The following MAP3K13 variants were observed in gnomAD, a reference collection of about 807,000 sequenced individuals.
MAP3K13 encodes mitogen-activated protein kinase kinase kinase 13, also known as leucine zipper-bearing kinase.
In MAP3K13, 52 loss-of-function variants were observed where a neutral mutation model predicts 104.0. The ratio of observed to expected loss-of-function variants is 0.50; its 90% CI spans 0.40 to 0.63. The LOEUF (loss-of-function observed/expected upper bound fraction) is 0.63. Ranked by LOEUF, MAP3K13 falls within the 20% of genes least tolerant of loss-of-function variation. The pLI is 0.00. For synonymous variants in MAP3K13, 394 were observed against 442.2 expected, an observed-to-expected ratio of 0.89 and a Z score of 1.37; for missense variants, 914 against 1,218.5, an observed-to-expected ratio of 0.75 and a Z score of 3.72.
chr3:185,302,610 G>A (rs1479857857), intron 2 of MAP3K13, among the ~76,000 whole-genome samples: 1 of 151,876 alleles, frequency 6.6e-6, no homozygotes, highest in Non-Finnish European at 1.5e-5. Flanking sequence ...AAATGGGTTT[G>A]TTTTCTTAGT....
chr3:185,306,799 G>A (rs1009652337), intron 2 of MAP3K13, among the ~76,000 whole-genome samples: 1 of 152,076 alleles, frequency 6.6e-6, no homozygotes, highest in Non-Finnish European at 1.5e-5. Flanking sequence ...GGTTCCACTT[G>A]TCAATTTTTG....
At chr3:185,465,955 T>A (rs552067592) in intron 9 of MAP3K13, 92 bp downstream of exon 9, 11 of 930,468 alleles carry the variant, frequency 1.2e-5, no homozygotes, top group East Asian at 2.4e-5. Flanking sequence ...TACTCAGAAC[T>A]GGCAGATATT....
chr3:185,443,952 A>G (rs1422019521), intron 4 of MAP3K13, among the ~76,000 whole-genome samples: 1 of 152,258 alleles, frequency 6.6e-6, no homozygotes, highest in Non-Finnish European at 1.5e-5. Flanking sequence ...CCTTCCCGCT[A>G]GAAGGCTTGA....
chr3:185,320,054 G>A (rs1721803216), intron 2 of MAP3K13, among the ~76,000 whole-genome samples: 1 of 151,386 alleles, frequency 6.6e-6, no homozygotes, highest in South Asian at 2.1e-4. Flanking sequence ...ACAAGATGGA[G>A]TAATGAAAAC....
intron 2 of MAP3K13, among the ~76,000 whole-genome samples, chr3:185,434,324 C>T (rs1421862703): frequency 6.6e-6 from 1 of 152,228 alleles, no homozygotes; most frequent in Non-Finnish European, 1.5e-5. Flanking sequence ...ATGTGAGCAC[C>T]GGCAGTTAAA....
chr3:185,417,939 G>T, intron 1 of MAP3K13: 1 of 1,605,188 alleles, frequency 6.2e-7, no homozygotes, highest in Non-Finnish European at 8.5e-7. Flanking sequence ...ACTTGTGCAT[G>T]GGAAGATTGT....
intron 1 of MAP3K13, among the ~76,000 whole-genome samples, chr3:185,420,579 C>T (rs771911506): frequency 2.8e-4 from 42 of 152,198 alleles, no homozygotes; most frequent in East Asian, 1.9e-3. Context: ...GGCAAGAAGA[C>T]GCCAAGTAAA....
In MAP3K13 at chr3:185,477,333, A is replaced by T; in HGVS notation, c.2438A>T (p.Asp813Val). 1.2e-6 allele frequency: 2 copies of T among 1,604,176 alleles called. No individual in the cohort carries two copies. The highest frequency in any genetic ancestry group is 1.7e-6 in the Non-Finnish European group (2 of 1,170,914). The change falls in exon 12 of 14, where the codon GAT becomes GTT. Residue 813 changes from aspartate (D) to valine (V), a missense_variant. By Grantham distance (152) the Asp-to-Val change is radical (BLOSUM62 -3). This residue lies in a region of MAP3K13 where 583 missense variants were observed against 737.4 expected (regional missense o/e 0.79). Coordinates refer to ENST00000265026, the MANE Select transcript of MAP3K13 (RefSeq NM_004721.5). ...AATCCTTGTTCTCCTCAGAGTGGAG[A>T]TGACTCCTCAGAAGAGGAAGAAGGG... ...RKTRPLQKSG[D>V]DSSEEEEGEV...
At chr3:185,400,468 A>G (rs772837356) in intron 1 of MAP3K13, among the ~76,000 whole-genome samples, 2 of 152,228 alleles carry the variant, frequency 1.3e-5, no homozygotes, top group African/African-American at 4.8e-5. Flanking sequence ...CATCATCGTT[A>G]TTGCTTAACA....
chr3:185,426,624 A>G (rs1444788835), intron 1 of MAP3K13, among the ~76,000 whole-genome samples: 1 of 152,056 alleles, frequency 6.6e-6, no homozygotes, highest in African/African-American at 2.4e-5. Flanking sequence ...CTGTCCATTC[A>G]TGTCTTTCTG....
At chr3:185,408,328 T>C (rs1386903653) in intron 1 of MAP3K13, among the ~76,000 whole-genome samples, 1 of 152,098 alleles carries the variant, frequency 6.6e-6, no homozygotes, top group African/African-American at 2.4e-5. Context: ...TGTAATCCCC[T>C]TGGGAGGCTG....
intron 1 of MAP3K13, among the ~76,000 whole-genome samples, chr3:185,387,997 C>A (rs1324777950): frequency 1.3e-5 from 2 of 151,838 alleles, no homozygotes; most frequent in South Asian, 2.1e-4. Context: ...ATACATGAGA[C>A]AAGAACTTAG....
intron 2 of MAP3K13, among the ~76,000 whole-genome samples, chr3:185,316,968 T>C (rs909348375): frequency 1.3e-5 from 2 of 152,206 alleles, no homozygotes; most frequent in Non-Finnish European, 2.9e-5. Context: ...ACTTGTAATA[T>C]TGAAAATATT....
At chr3:185,455,323 T>G (rs1209772608) in intron 7 of MAP3K13, among the ~76,000 whole-genome samples, 1 of 46,480 alleles carries the variant, frequency 2.2e-5, no homozygotes, top group East Asian at 5.0e-4. Context: ...ATATATGAGA[T>G]ATATATGATA....
chr3:185,428,758 C>T lies in MAP3K13; in HGVS notation c.177C>T (p.Ser59=), dbSNP rs761070513. ...KGMVRTELIE[S]VHSPVTTTVL... ...TGGTACGAACAGAGCTAATCGAGAG[C>T]GTGCACAGCCCCGTCACCACAACAG... The change falls in exon 2 of 14, where the codon AGC becomes AGT. Residue 59 remains serine, a synonymous_variant. Coordinates refer to ENST00000265026, the MANE Select transcript of MAP3K13 (RefSeq NM_004721.5). 6.2e-7 allele frequency: 1 copy of T among 1,614,158 alleles called. No homozygotes were observed. The highest frequency in any genetic ancestry group is 1.1e-5 in the South Asian group (1 of 91,074).
chr3:185,428,906 A>G lies in MAP3K13; in HGVS notation c.325A>G (p.Ser109Gly). ...QGNSNTVDGESTSGTEDIKIQ... is the reference protein window; with the variant it reads ...QGNSNTVDGEGTSGTEDIKIQ... ...GAACAGCAACACGGTGGACGGAGAG[A>G]GCACAAGCGGAACTGAAGACATAAA... is the stretch of plus-strand genomic sequence containing the variant. Residue 109 changes from serine to glycine, a missense_variant, in exon 2 of 14, where the codon AGC (serine) becomes GGC (glycine). By Grantham distance (56) the Ser-to-Gly change is moderately conservative. Around this residue, in one of 3 missense-constraint regions of MAP3K13, gnomAD observed 156 missense variants for 159.8 expected, o/e 0.98. Coordinates refer to ENST00000265026, the MANE Select transcript of MAP3K13 (RefSeq NM_004721.5). The G allele has an allele frequency of 6.2e-7, 1 of 1,614,198 alleles. No homozygotes were observed. Among genetic ancestry groups the G allele is most frequent in the Non-Finnish European group, 8.5e-7 (1 of 1,180,022 alleles).
At chr3:185,346,499 T>C (rs1722929583) in intron 2 of MAP3K13, among the ~76,000 whole-genome samples, 1 of 152,226 alleles carries the variant, frequency 6.6e-6, no homozygotes, top group Admixed American at 6.5e-5. Flanking sequence ...ATACAACCTG[T>C]AAAGGTTTTA....
intron 3 of MAP3K13, among the ~76,000 whole-genome samples, chr3:185,437,996 T>C (rs938144205): frequency 2.0e-5 from 3 of 152,014 alleles, no homozygotes; most frequent in African/African-American, 7.2e-5. Flanking sequence ...AAGATTCACT[T>C]AACAAAACAA....
chr3:185,354,210 A>G (rs1328071687), intron 2 of MAP3K13, among the ~76,000 whole-genome samples: 1 of 151,886 alleles, frequency 6.6e-6, no homozygotes, highest in East Asian at 2.0e-4. Context: ...ATTTGTCTCC[A>G]GGGGACTTAG....
Sources: gnomAD v4.1 joint callset for allele counts (sites outside exome capture counted in the v4.1 genomes callset) on GRCh38, gnomAD v4.1.1 for gene constraint, gnomAD v4.1.1 regional missense constraint, MANE v1.5 for transcripts, NCBI Gene and HGNC (gene_info 2026-07-23, HGNC 2026-07-21) for gene names.